The following FBXL17 variants were observed in gnomAD, a reference collection of about 807,000 sequenced individuals.
FBXL17 encodes F-box and leucine rich repeat protein 17.
Under a neutral mutation model 66.2 loss-of-function variants are expected in FBXL17, and 22 were observed. The ratio of observed to expected loss-of-function variants is 0.33; its 90% CI spans 0.24 to 0.47. The LOEUF (loss-of-function observed/expected upper bound fraction) is 0.47. Ranked by LOEUF, FBXL17 falls within the 20% of genes least tolerant of loss-of-function variation. The pLI is 1.00. For missense variants in FBXL17, 878 were observed against 948.2 expected (o/e 0.93, Z 0.97); for synonymous variants, 474 against 400.5 (o/e 1.18, Z -2.19).
chr5:108,122,327 C>G (rs148038678), intron 6 of FBXL17, among the ~76,000 whole-genome samples: 1 of 152,052 alleles, frequency 6.6e-6, no homozygotes. Flanking sequence ...ATAACAAAGC[C>G]AGGATTCAAA....
At chr5:108,260,006 T>C (rs1280249780) in intron 4 of FBXL17, among the ~76,000 whole-genome samples, 1 of 147,236 alleles carries the variant, frequency 6.8e-6, no homozygotes, top group African/African-American at 2.5e-5. Context: ...GTGAGAGAAA[T>C]AGTTATAAGA....
chr5:107,912,004 G>C (rs1003427059), intron 7 of FBXL17, among the ~76,000 whole-genome samples: 20 of 152,010 alleles, frequency 1.3e-4, no homozygotes, highest in Non-Finnish European at 2.6e-4. Flanking sequence ...CAAATAAAAA[G>C]GTTTGATAAT....
intron 7 of FBXL17, among the ~76,000 whole-genome samples, chr5:108,009,261 T>TTTTATA (rs1554056569): frequency 4.8e-5 from 1 of 20,868 alleles, no homozygotes; most frequent in African/African-American, 1.6e-4. Context: ...GTTCCCTGTT[T>TTTTATA]TATATATATA....
chr5:108,151,247 T>C (rs1463871734), intron 6 of FBXL17, among the ~76,000 whole-genome samples: 1 of 151,970 alleles, frequency 6.6e-6, no homozygotes, highest in East Asian at 1.9e-4. Flanking sequence ...TGCCTTACAT[T>C]CCATAAAAAG....
chr5:107,880,253 G>A (rs1181439541), intron 8 of FBXL17: 6 of 495,816 alleles, frequency 1.2e-5, no homozygotes, highest in African/African-American at 2.1e-5. Context: ...TGTTGGGGGA[G>A]AGGGGGATAG....
chr5:108,379,383 A>G (rs1400102457), intron 1 of FBXL17, among the ~76,000 whole-genome samples: 9 of 152,182 alleles, frequency 5.9e-5, no homozygotes, highest in Admixed American at 5.9e-4. Context: ...CTCTGCACAC[A>G]AAGAGTAGGC....
intron 7 of FBXL17, among the ~76,000 whole-genome samples, chr5:107,908,950 T>TGCACACCTTTGCTGGCTGCA (rs1749854887): frequency 6.6e-6 from 1 of 152,206 alleles, no homozygotes. Context: ...CCGTTGTCAG[T>TGCACACCTTTGCTGGCTGCA]GCACACCTTT....
intron 7 of FBXL17, among the ~76,000 whole-genome samples, chr5:107,929,009 C>T (rs1750631768): frequency 6.6e-6 from 1 of 152,140 alleles, no homozygotes; most frequent in Non-Finnish European, 1.5e-5. Flanking sequence ...ATTTCTTGCA[C>T]TGCCATTTTA....
intron 4 of FBXL17, among the ~76,000 whole-genome samples, chr5:108,255,030 G>A (rs77584217): frequency 0.016 from 2,379 of 152,104 alleles, 60 homozygotes; most frequent in African/African-American, 0.055. Flanking sequence ...ACAACTTGAT[G>A]GAAAAGAGCA....
chr5:108,222,502 T>C lies in FBXL17; in HGVS notation c.1614+1619A>G, dbSNP rs1038003200. Among the ~76,000 whole-genome samples, 4 of 152,106 alleles carry C rather than the reference T, an allele frequency of 2.6e-5. 1 individual carries two copies. The highest frequency in any genetic ancestry group is 2.4e-5 in the African/African-American group (1 of 41,402). ...ATAATTGAGAATAACAGGCCTATCCTCTCCTCTAGCTTTAGGCTCTGATCC... is the reference window on the plus strand; with the variant it reads ...ATAATTGAGAATAACAGGCCTATCCCCTCCTCTAGCTTTAGGCTCTGATCC... On this transcript the variant is annotated intron_variant, in intron 5 of 8. Coordinates refer to ENST00000542267, the MANE Select transcript of FBXL17 (RefSeq NM_001163315.3).
intron 6 of FBXL17, among the ~76,000 whole-genome samples, chr5:108,045,052 G>A (rs191040988): frequency 6.6e-6 from 1 of 152,184 alleles, no homozygotes; most frequent in Admixed American, 6.5e-5. Flanking sequence ...CTAGAGGTCT[G>A]TCAATTTTAT....
intron 6 of FBXL17, among the ~76,000 whole-genome samples, chr5:108,138,612 A>G (rs757602322): frequency 8.5e-5 from 13 of 152,180 alleles, no homozygotes; most frequent in Non-Finnish European, 1.8e-4. Flanking sequence ...AGAAAGTTTA[A>G]TTTTTCCCCT....
chr5:108,012,002 T>C (rs1754195153), intron 7 of FBXL17, among the ~76,000 whole-genome samples: 4 of 152,206 alleles, frequency 2.6e-5, no homozygotes, highest in African/African-American at 7.2e-5. Context: ...TATGAAAGTA[T>C]CTCATTGAAT....
chr5:107,892,911 A>C (rs993534831), intron 7 of FBXL17, among the ~76,000 whole-genome samples: 4 of 152,200 alleles, frequency 2.6e-5, no homozygotes, highest in Non-Finnish European at 4.4e-5. Context: ...TTTAGTAGAG[A>C]ACTAGATTAG....
chr5:108,347,714 T>A (rs1388093713), intron 4 of FBXL17, among the ~76,000 whole-genome samples: 1 of 152,068 alleles, frequency 6.6e-6, no homozygotes, highest in Non-Finnish European at 1.5e-5. Flanking sequence ...GGGCACAGGA[T>A]TTTTTTAGGG....
chr5:108,375,627 A>G (rs1749371500), intron 1 of FBXL17, among the ~76,000 whole-genome samples: 2 of 152,336 alleles, frequency 1.3e-5, no homozygotes, highest in Admixed American at 1.3e-4. Flanking sequence ...AAGATGGAAT[A>G]TGTAATAAAA....
intron 3 of FBXL17, among the ~76,000 whole-genome samples, chr5:108,362,188 G>T (rs901487181): frequency 6.6e-6 from 1 of 152,088 alleles, no homozygotes; most frequent in Non-Finnish European, 1.5e-5. Flanking sequence ...CCTAAAAATT[G>T]ATAGCATAGC....
intron 4 of FBXL17, among the ~76,000 whole-genome samples, chr5:108,241,807 T>G (rs1408448861): frequency 3.3e-5 from 5 of 152,106 alleles, no homozygotes; most frequent in Admixed American, 1.3e-4. Context: ...GGAGCTCCAA[T>G]ACGTCCGTAA....
At chr5:108,275,356 T>C (rs1329113323) in intron 4 of FBXL17, among the ~76,000 whole-genome samples, 1 of 152,156 alleles carries the variant, frequency 6.6e-6, no homozygotes, top group Admixed American at 6.5e-5. Flanking sequence ...GTCAAACCAG[T>C]GTATGAAATT....
Sources: gnomAD v4.1 joint callset for allele counts (sites outside exome capture counted in the v4.1 genomes callset) on GRCh38, gnomAD v4.1.1 for gene constraint, MANE v1.5 for transcripts, NCBI Gene and HGNC (gene_info 2026-07-23, HGNC 2026-07-21) for gene names.